DCUN1D2: variants seen among roughly 807,000 people sequenced by gnomAD.
The protein encoded by DCUN1D2 is defective in cullin neddylation 1 domain containing 2, also known as DCN1-like protein 2.
A neutral mutation model predicts 30.9 loss-of-function variants in DCUN1D2; 29 were observed. The ratio of observed to expected loss-of-function variants is 0.94; its 90% CI spans 0.70 to 1.28. The LOEUF (loss-of-function observed/expected upper bound fraction) is 1.28, where lower values mean the gene tolerates loss of function less well. Among genes scored for constraint, DCUN1D2 ranks in the 50% most tolerant of loss-of-function variants. DCUN1D2 has a pLI of 0.00. For synonymous variants in DCUN1D2, 121 were observed against 115.3 expected, an observed-to-expected ratio of 1.05 and a Z score of -0.32; for missense variants, 325 against 316.9, an observed-to-expected ratio of 1.03 and a Z score of -0.19.
intron 4 of DCUN1D2, among the ~76,000 whole-genome samples, 179 bp from the exon 5 acceptor site, chr13:113,461,315 T>C (rs1390434299): frequency 7.2e-5 from 11 of 152,234 alleles, no homozygotes; most frequent in Non-Finnish European, 1.6e-4. Context: ...TCTAATTTTA[T>C]AAATCTGGGG....
chr13:113,466,451 A>G (rs774060151), intron 4 of DCUN1D2, among the ~76,000 whole-genome samples: 1 of 152,214 alleles, frequency 6.6e-6, no homozygotes, highest in Non-Finnish European at 1.5e-5. Context: ...CATTCTGTAG[A>G]TGCAAAAATA....
chr13:113,480,481 G>A, intron 3 of DCUN1D2, 94 bp downstream of exon 3: 3 of 1,324,916 alleles, frequency 2.3e-6, no homozygotes, highest in Non-Finnish European at 3.1e-6. Flanking sequence ...AAGAAAATAA[G>A]CAGATATGAA....
chr13:113,461,819 T>C (rs1295399412), intron 4 of DCUN1D2, among the ~76,000 whole-genome samples: 1 of 152,224 alleles, frequency 6.6e-6, no homozygotes, highest in African/African-American at 2.4e-5. Context: ...TAATAGAATA[T>C]GAATGCCGAG....
chr13:113,455,876 A>G lies in DCUN1D2; in HGVS notation c.*2153T>C. ...CAGCATTTCACAGCATGCAGGACTC[A>G]AATGGATACAACAGAAGAAAAAAAC... is the stretch of plus-strand genomic sequence containing the variant. On this transcript the variant is annotated 3_prime_UTR_variant, in exon 7 of 7. Transcript: ENST00000478244. The G allele has an allele frequency of 4.9e-6, 1 of 205,850 alleles. No individual in the cohort carries two copies. Among genetic ancestry groups the G allele is most frequent in the African/African-American group, 2.3e-5 (1 of 43,796 alleles). The allele number at this position is 205,850 out of a possible 1,614,324, so 12.8% of individuals were successfully genotyped here.
intron 4 of DCUN1D2, among the ~76,000 whole-genome samples, chr13:113,469,144 GCA>G (rs151101835): frequency 0.16 from 23,680 of 147,896 alleles, 1,867 homozygotes; most frequent in Middle Eastern, 0.26. Flanking sequence ...CTACACGCCT[GCA>G]CACACACACA....
chr13:113,474,202 G>A lies in DCUN1D2; in HGVS notation c.442C>T (p.Leu148=). ...TCTTTAAACTTGGCTGTGTCCTTCA[G>A]CTCCTGCTCCAGTCTTGGCAGAAGA... ...KALLPRLEQE[L]KDTAKFKDFY... is the part of the protein sequence containing the mutation. Residue 148 remains leucine (L), a synonymous_variant, in exon 4 of 7, where the codon CTG becomes TTG. Coordinates refer to ENST00000478244, the MANE Select transcript of DCUN1D2 (RefSeq NM_001014283.2). The A allele has an allele frequency of 6.2e-7, 1 of 1,614,130 alleles. No homozygotes were observed. Among genetic ancestry groups the A allele is most frequent in the Non-Finnish European group, 8.5e-7 (1 of 1,180,012 alleles).
At chr13:113,467,351 G>C (rs780720819) in intron 4 of DCUN1D2, among the ~76,000 whole-genome samples, 1 of 152,196 alleles carries the variant, frequency 6.6e-6, no homozygotes, top group Non-Finnish European at 1.5e-5. Context: ...TTGCTATAAT[G>C]TGCATATTGG....
intron 4 of DCUN1D2, among the ~76,000 whole-genome samples, chr13:113,465,812 G>A (rs924808039): frequency 3.3e-5 from 5 of 151,856 alleles, no homozygotes; most frequent in Admixed American, 3.3e-4. Flanking sequence ...GACTACAGGT[G>A]CACACCACCA....
chr13:113,478,282 C>G (rs1279580920), intron 3 of DCUN1D2, among the ~76,000 whole-genome samples: 4 of 151,542 alleles, frequency 2.6e-5, no homozygotes, highest in South Asian at 2.1e-4. Flanking sequence ...TAGTAAATTA[C>G]ATTTTTCACA....
chr13:113,456,696 A>G lies in DCUN1D2; in HGVS notation c.*1333T>C, dbSNP rs1398986544. 1.7e-5 allele frequency: 4 copies of G among 238,072 alleles called. No individual in the cohort carries two copies. Among genetic ancestry groups the G allele is most frequent in the Non-Finnish European group, 2.4e-5 (3 of 124,692 alleles). 14.7% of individuals were successfully genotyped at this position (238,072 alleles called of 1,614,324 possible). ...ACCAGGCGGACACGAGAAACAGATG[A>G]TAACATGGTGCAAGGACAGACTTCA... On this transcript the variant is annotated 3_prime_UTR_variant, in exon 7 of 7. Transcript: ENST00000478244.
At chr13:113,460,070 G>A (rs944935310) in intron 5 of DCUN1D2, among the ~76,000 whole-genome samples, 1 of 152,222 alleles carries the variant, frequency 6.6e-6, no homozygotes, top group African/African-American at 2.4e-5. Context: ...GCGTAAGGGG[G>A]CTGTGGGCAC....
At chr13:113,465,839 G>C (rs1305777550) in intron 4 of DCUN1D2, among the ~76,000 whole-genome samples, 1 of 150,220 alleles carries the variant, frequency 6.7e-6, no homozygotes, top group Admixed American at 6.6e-5. Flanking sequence ...GATAATTCTT[G>C]TATGTATGTA....
intron 1 of DCUN1D2, among the ~76,000 whole-genome samples, chr13:113,486,689 C>A (rs1458112235): frequency 6.6e-6 from 1 of 152,178 alleles, no homozygotes; most frequent in East Asian, 1.9e-4. Context: ...ACATATATGG[C>A]CCTCACACGT....
At chr13:113,481,651 A>C (rs1313084713) in intron 2 of DCUN1D2, among the ~76,000 whole-genome samples, 1 of 152,238 alleles carries the variant, frequency 6.6e-6, no homozygotes, top group South Asian at 2.1e-4. Flanking sequence ...TGGGAGGCCG[A>C]GGCGGGTGGA....
rs950966740 is a variant in DCUN1D2, at chr13:113,490,094, C to T, written c.3+573G>A. On this transcript the variant is annotated intron_variant, in intron 1 of 6. Transcript: ENST00000478244. This position sits in a 1 kb window ranked among gnomAD's most constrained non-coding sequence, Gnocchi z 5.2. ...ATGTGCACCTCCAGCAGCCTCCCTCCTGCGCTGCGGAACTCTACCAGCTCC... is the reference window on the plus strand; with the variant it reads ...ATGTGCACCTCCAGCAGCCTCCCTCTTGCGCTGCGGAACTCTACCAGCTCC... Among the ~76,000 whole-genome samples the T allele has an allele frequency of 1.3e-5, 2 of 152,200 alleles. No homozygotes were observed. The highest frequency in any genetic ancestry group is 6.5e-5 in the Admixed American group (1 of 15,288).
At chr13:113,464,300 T>A (rs372463967) in intron 4 of DCUN1D2, among the ~76,000 whole-genome samples, 5 of 152,346 alleles carry the variant, frequency 3.3e-5, no homozygotes, top group Admixed American at 1.3e-4. Flanking sequence ...AATTCAAGGA[T>A]AAACTATAAA....
chr13:113,472,825 G>T (rs2044545247), intron 4 of DCUN1D2, among the ~76,000 whole-genome samples: 1 of 152,250 alleles, frequency 6.6e-6, no homozygotes, highest in African/African-American at 2.4e-5. Context: ...AAGAGGCAAA[G>T]CGAGGGCCCA....
rs149534145 is a variant in DCUN1D2, at chr13:113,475,185, G to A, written c.390-931C>T. On this transcript the variant is annotated intron_variant, in intron 3 of 6. Transcript: ENST00000478244. ...GCACAAATGTATGACTCAGTCCTGC[G>A]CGCAGTCACGGTCAACAGCAGAAGG... 3.2e-3 allele frequency among the ~76,000 whole-genome samples: 481 copies of A among 152,278 alleles called. 4 individuals carry two copies. The highest frequency in any genetic ancestry group is 0.011 in the African/African-American group (441 of 41,560).
At chr13:113,467,589 T>C (rs1356538909) in intron 4 of DCUN1D2, among the ~76,000 whole-genome samples, 2 of 152,106 alleles carry the variant, frequency 1.3e-5, no homozygotes, top group Non-Finnish European at 1.5e-5. Flanking sequence ...ATGGCCACTA[T>C]TCAGAAAACA....
Sources: gnomAD v4.1 joint callset for allele counts (sites outside exome capture counted in the v4.1 genomes callset) on GRCh38, gnomAD v4.1.1 for gene constraint, Gnocchi (gnomAD v3.1) non-coding constraint, MANE v1.5 for transcripts, NCBI Gene and HGNC (gene_info 2026-07-23, HGNC 2026-07-21) for gene names.